Variants in CAMKMT observed in about 807,000 individuals in gnomAD.
The protein encoded by CAMKMT is calmodulin-lysine N-methyltransferase.
Under a neutral mutation model 48.0 loss-of-function variants are expected in CAMKMT, and 53 were observed. The ratio of observed to expected loss-of-function variants is 1.10; its 90% CI spans 0.89 to 1.39. CAMKMT has a LOEUF of 1.39. Among genes scored for constraint, CAMKMT ranks in the 40% most tolerant of loss-of-function variants. The probability of loss-of-function intolerance (pLI) is 0.00; values close to 1 mark genes in which losing one functional copy is unlikely to be tolerated. For missense variants in CAMKMT, 428 were observed against 402.7 expected (o/e 1.06, Z -0.54); for synonymous variants, 165 against 152.3 (o/e 1.08, Z -0.61).
chr2:44,622,028 T>C (rs963604309), intron 3 of CAMKMT, among the ~76,000 whole-genome samples: 2 of 152,194 alleles, frequency 1.3e-5, no homozygotes, highest in Admixed American at 1.3e-4. Flanking sequence ...GAATCAAGTA[T>C]AACTTCTAAA....
intron 3 of CAMKMT, among the ~76,000 whole-genome samples, chr2:44,479,959 G>T (rs749403462): frequency 6.6e-6 from 1 of 151,900 alleles, no homozygotes; most frequent in Admixed American, 6.6e-5. Flanking sequence ...TCCCACCCTA[G>T]CCTTCCACCC....
intron 3 of CAMKMT, among the ~76,000 whole-genome samples, chr2:44,404,394 C>T (rs577273182): frequency 5.9e-5 from 9 of 152,090 alleles, no homozygotes; most frequent in South Asian, 2.1e-4. Context: ...GGGTGTTACT[C>T]GTCTTTTAAA....
chr2:44,524,287 T>C (rs1465073429), intron 3 of CAMKMT, among the ~76,000 whole-genome samples: 1 of 152,028 alleles, frequency 6.6e-6, no homozygotes, highest in Non-Finnish European at 1.5e-5. Flanking sequence ...TCAAGGATAA[T>C]ACAGTCCATC....
intron 1 of CAMKMT, among the ~76,000 whole-genome samples, chr2:44,370,814 T>A (rs1352972012): frequency 1.3e-5 from 2 of 152,174 alleles, no homozygotes; most frequent in Non-Finnish European, 2.9e-5. Context: ...CTTTATAATT[T>A]TCTTTGTTTT....
At chr2:44,477,697 G>A (rs895386152) in intron 3 of CAMKMT, among the ~76,000 whole-genome samples, 3 of 152,174 alleles carry the variant, frequency 2.0e-5, no homozygotes, top group African/African-American at 4.8e-5. Flanking sequence ...GAATTGAAGA[G>A]TCCATCAGAG....
At chr2:44,466,465 T>A (rs927961520) in intron 3 of CAMKMT, among the ~76,000 whole-genome samples, 1 of 152,010 alleles carries the variant, frequency 6.6e-6, no homozygotes, top group Non-Finnish European at 1.5e-5. Flanking sequence ...TTAGAAAACA[T>A]CTGAAGGCAA....
At chr2:44,551,991 T>G (rs1348220570) in intron 3 of CAMKMT, among the ~76,000 whole-genome samples, 1 of 152,118 alleles carries the variant, frequency 6.6e-6, no homozygotes, top group East Asian at 1.9e-4. Flanking sequence ...TTTTTTTAGT[T>G]TTCATTTTTT....
intron 7 of CAMKMT, chr2:44,723,644 AT>A (rs1375669657): frequency 1.4e-5 from 2 of 148,142 alleles, no homozygotes; most frequent in African/African-American, 5.2e-5. Flanking sequence ...AAATAAATAA[AT>A]AAATAAATAA....
chr2:44,747,081 A>G (rs949515439), intron 8 of CAMKMT, among the ~76,000 whole-genome samples: 1 of 152,332 alleles, frequency 6.6e-6, no homozygotes, highest in Non-Finnish European at 1.5e-5. Flanking sequence ...TGAGCTGGGT[A>G]TGCAGGACAA....
At chr2:44,537,586 A>G (rs537040184) in intron 3 of CAMKMT, among the ~76,000 whole-genome samples, 25 of 152,046 alleles carry the variant, frequency 1.6e-4, no homozygotes, top group Non-Finnish European at 2.8e-4. Flanking sequence ...TCTTTCTGAG[A>G]CAGGATCTCA....
In CAMKMT at chr2:44,529,726, A is replaced by G. The variant is rs182406355; in HGVS notation, c.376+139421A>G. On this transcript the variant is annotated intron_variant, in intron 3 of 10. Coordinates refer to ENST00000378494, the MANE Select transcript of CAMKMT (RefSeq NM_024766.5). ...ATTTGTCAGATTTACCTGCATTTTC[A>G]TAGTATTTCTATCAAAGAAATTTGT... Among the ~76,000 whole-genome samples, 529 of 152,312 alleles carry G rather than the reference A, an allele frequency of 3.5e-3. 5 individuals carry two copies. Among genetic ancestry groups the G allele is most frequent in the South Asian group, 0.015 (74 of 4,826 alleles).
intron 3 of CAMKMT, among the ~76,000 whole-genome samples, chr2:44,497,864 G>C (rs1328797595): frequency 6.6e-6 from 1 of 152,102 alleles, no homozygotes; most frequent in African/African-American, 2.4e-5. Flanking sequence ...CATCGGGGCA[G>C]GGTGAAGTCT....
At chr2:44,600,083 G>T (rs376121108) in intron 3 of CAMKMT, among the ~76,000 whole-genome samples, 1 of 151,946 alleles carries the variant, frequency 6.6e-6, no homozygotes, top group Non-Finnish European at 1.5e-5. Context: ...TCTTAGAAAG[G>T]CTGTTAGTTA....
rs192245604 is a variant in CAMKMT, at chr2:44,400,488, T to G, written c.376+10183T>G. ...CAGATTTGCAATCCCTGATGCATAT[T>G]GTATATTTGGAAGCATTTAAGATGT... On this transcript the variant is annotated intron_variant, in intron 3 of 10. Transcript: ENST00000378494. 1.8e-3 allele frequency among the ~76,000 whole-genome samples: 275 copies of G among 152,318 alleles called. 2 individuals carry two copies. The highest frequency in any genetic ancestry group is 3.4e-3 in the Middle Eastern group (1 of 294).
At chr2:44,634,119 C>G (rs978518104) in intron 3 of CAMKMT, among the ~76,000 whole-genome samples, 1 of 151,952 alleles carries the variant, frequency 6.6e-6, no homozygotes, top group Non-Finnish European at 1.5e-5. Context: ...TTTTGCCTAG[C>G]CTGATGGAGT....
intron 3 of CAMKMT, among the ~76,000 whole-genome samples, chr2:44,506,180 T>A (rs1268386347): frequency 6.6e-6 from 1 of 152,118 alleles, no homozygotes; most frequent in Non-Finnish European, 1.5e-5. Flanking sequence ...AAATCTGTGC[T>A]TTTTTCAAGG....
At chr2:44,610,052 A>G (rs1440570576) in intron 3 of CAMKMT, among the ~76,000 whole-genome samples, 2 of 152,028 alleles carry the variant, frequency 1.3e-5, no homozygotes, top group Non-Finnish European at 2.9e-5. Context: ...GAACATAATG[A>G]CCTCTTTTTC....
At chr2:44,452,628 A>G (rs1181936671) in intron 3 of CAMKMT, among the ~76,000 whole-genome samples, 1 of 152,034 alleles carries the variant, frequency 6.6e-6, no homozygotes, top group African/African-American at 2.4e-5. Context: ...AAGTCATTTT[A>G]CCTTTGATAT....
At chr2:44,533,657 G>C (rs1160649274) in intron 3 of CAMKMT, among the ~76,000 whole-genome samples, 2 of 152,162 alleles carry the variant, frequency 1.3e-5, no homozygotes, top group African/African-American at 4.8e-5. Flanking sequence ...ATACTTAAGG[G>C]TGTCCTAAAC....
Sources: allele counts gnomAD v4.1 joint callset (sites outside exome capture counted in the v4.1 genomes callset), GRCh38; gene constraint gnomAD v4.1.1; transcripts MANE v1.5; gene names NCBI Gene and HGNC (gene_info 2026-07-23, HGNC 2026-07-21).